Variants in ADCY7 observed in about 807,000 individuals in gnomAD.
The protein encoded by ADCY7 is adenylate cyclase type 7.
ADCY7 carries 72 observed loss-of-function variants against 120.6 expected under a neutral mutation model. The ratio of observed to expected loss-of-function variants is 0.60; its 90% confidence interval spans 0.49 to 0.73. The LOEUF (loss-of-function observed/expected upper bound fraction) is 0.73. Ranked by LOEUF, ADCY7 falls within the 30% of genes least tolerant of loss-of-function variation. The pLI, the probability that ADCY7 is intolerant of heterozygous loss-of-function variation, is 0.00. For missense variants in ADCY7, 1,227 were observed against 1,486.0 expected (o/e 0.83, Z 2.87); for synonymous variants, 661 against 628.0 (o/e 1.05, Z -0.78).
rs1224219263 is a variant in ADCY7 at position 50,288,111 on chromosome 16, G to T, written c.-69G>T. ...AGGCCCACGGGGGAGGGTGTTGGCA[G>T]ACAGATGCCCTCCAGGCCCTGGGGC... On this transcript the variant is annotated 5_prime_UTR_variant, in exon 2 of 26. Coordinates refer to ENST00000673801, the MANE Select transcript of ADCY7 (RefSeq NM_001114.5). 6.8e-7 allele frequency: 1 copy of T among 1,473,276 alleles called. No individual in the cohort carries two copies. The highest frequency in any genetic ancestry group is 2.4e-5 in the Admixed American group (1 of 42,274). 91.3% of individuals were successfully genotyped at this position (1,473,276 alleles called of 1,614,324 possible).
chr16:50,294,742 G>C lies in ADCY7; in HGVS notation c.939G>C (p.Gln313His), dbSNP rs928530955. 10 of 1,612,794 alleles carry C rather than the reference G, an allele frequency of 6.2e-6. No homozygotes were observed. Among genetic ancestry groups the C allele is most frequent in the Non-Finnish European group, 7.6e-6 (9 of 1,179,220 alleles). ...VLNELFGKFD[Q>H]IAKANECMRI... ...ATGAGCTCTTTGGCAAGTTCGACCA[G>C]ATCGCCAAGGTGAGCCCGCTGGCCT... The change falls in exon 7 of 26, where the codon CAG becomes CAC. Residue 313 changes from glutamine to histidine, a missense_variant. Transcript: ENST00000673801.
intron 1 of ADCY7, among the ~76,000 whole-genome samples, chr16:50,255,795 C>T (rs2032902941): frequency 6.6e-6 from 1 of 152,168 alleles, no homozygotes; most frequent in East Asian, 1.9e-4. Flanking sequence ...CCTGCCCAGT[C>T]CATTGATTTT....
chr16:50,305,672 A>G (rs1183473968), intron 13 of ADCY7, 86 bp downstream of exon 13: 28 of 1,504,384 alleles, frequency 1.9e-5, no homozygotes, highest in Non-Finnish European at 2.6e-5. Flanking sequence ...CTCATACCCC[A>G]TGCCTGGTGG....
chr16:50,311,645 T>C (rs1356013843), intron 19 of ADCY7, 48 bp from the exon 20 acceptor site: 12 of 1,343,074 alleles, frequency 8.9e-6, no homozygotes, highest in Non-Finnish European at 1.1e-5. Context: ...ACTCAGTGGG[T>C]TGGAGTGGTG....
chr16:50,305,986 C>T, intron 14 of ADCY7, 137 bp downstream of exon 14: 1 of 816,032 alleles, frequency 1.2e-6, no homozygotes, highest in Non-Finnish European at 2.0e-6. Flanking sequence ...ACAGCTGCTC[C>T]TGGGCGGGGG....
At chr16:50,301,693 C>T (rs143140467) in intron 10 of ADCY7, 1,844 of 164,394 alleles carry the variant, frequency 0.011, 23 homozygotes, top group Middle Eastern at 0.033. Flanking sequence ...CAGGACCCCA[C>T]GGTGGAGGAG....
At chr16:50,301,286 C>T (rs2035707016) in intron 10 of ADCY7, 72 bp downstream of exon 10, 2 of 1,502,060 alleles carry the variant, frequency 1.3e-6, no homozygotes, top group Admixed American at 2.3e-5. Context: ...GCCTGGCCCG[C>T]ACCTTGGAGG....
chr16:50,264,470 T>C (rs1304287653), upstream of ADCY7, among the ~76,000 whole-genome samples: 3 of 152,372 alleles, frequency 2.0e-5, no homozygotes, highest in African/African-American at 7.2e-5. Flanking sequence ...TCATTTCTTT[T>C]GGGTAAATAC....
intron 7 of ADCY7, among the ~76,000 whole-genome samples, chr16:50,295,681 T>G (rs888100749): frequency 6.6e-6 from 1 of 151,840 alleles, no homozygotes; most frequent in Non-Finnish European, 1.5e-5. Context: ...TGCAAGGACA[T>G]GAGGGCTGAG....
At position 50,293,385 on chromosome 16, in the gene ADCY7, A is replaced by G. The variant is rs2035126060; in HGVS notation, c.719A>G (p.His240Arg). 1 of 1,613,682 alleles carries G rather than the reference A, an allele frequency of 6.2e-7. No individual in the cohort carries two copies. Among genetic ancestry groups the G allele is most frequent in the African/African-American group, 1.3e-5 (1 of 74,920 alleles). The change falls in exon 6 of 26, where the codon CAC becomes CGC. Residue 240 changes from histidine to arginine, a missense_variant. Physicochemically the swap from His to Arg is conservative, Grantham distance 29 (BLOSUM62 0). This residue lies in a region of ADCY7 where 382 missense variants were observed against 411.4 expected (regional missense o/e 0.93). Transcript: ENST00000673801. ...CTGCTGCTGTCAGTGCTTCCGGCCCACATCTCCATGGGCATGAAGCTGGCC... is the reference window on the plus strand; with the variant it reads ...CTGCTGCTGTCAGTGCTTCCGGCCCGCATCTCCATGGGCATGAAGCTGGCC... Reference protein sequence around the residue: ...ENLLLSVLPAHISMGMKLAII... With the variant: ...ENLLLSVLPARISMGMKLAII...
rs576578637 is a variant in ADCY7 at position 50,311,921 on chromosome 16, C to T, written c.2449-115C>T. The T allele has an allele frequency of 1.0e-4, 151 of 1,499,744 alleles. No individual in the cohort carries two copies. The African/African-American group carries it at 1.8e-3, about 18-fold the overall frequency. 92.9% of individuals were successfully genotyped at this position (1,499,744 alleles called of 1,614,324 possible). A position where few individuals can be genotyped will look rare whatever the true frequency, so the allele number is the denominator to read the frequency against. On this transcript the variant is annotated intron_variant, in intron 20 of 25. Transcript: ENST00000673801. ...AGAGTCCTGCCAGGAAAGCACTGGT[C>T]CCCTGGCCAGAGGCTCCAAGGACGC...
At chr16:50,253,589 C>A (rs763299357) in intron 1 of ADCY7, among the ~76,000 whole-genome samples, 1 of 152,220 alleles carries the variant, frequency 6.6e-6, no homozygotes, top group Non-Finnish European at 1.5e-5. Flanking sequence ...GTGGTGCCCT[C>A]AGGCTGGACC....
intron 8 of ADCY7, 37 bp downstream of exon 8, chr16:50,299,068 C>A: frequency 3.8e-6 from 6 of 1,571,270 alleles, no homozygotes; most frequent in Non-Finnish European, 5.2e-6. Flanking sequence ...GGGTCCTGCC[C>A]TGTGGCGGAC....
chr16:50,308,355 C>G lies in ADCY7; in HGVS notation c.1879C>G (p.Leu627Val). The part of the protein sequence containing the change: ...RTAALGVSFG[L>V]VACVLGLVLG... Reference sequence around the variant, plus strand: ...GGCGGCACTGGGTGTGTCCTTCGGGCTGGTGGCCTGTGTACTGGGGCTGGT... The same window carrying G: ...GGCGGCACTGGGTGTGTCCTTCGGGGTGGTGGCCTGTGTACTGGGGCTGGT... Residue 627 changes from leucine to valine, a missense_variant, in exon 16 of 26, where the codon CTG (leucine) becomes GTG (valine). Leu to Val is a conservative substitution (Grantham distance 32). Around this residue, in one of 5 missense-constraint regions of ADCY7, gnomAD observed 267 missense variants for 270.0 expected, o/e 0.99. Coordinates refer to ENST00000673801, the MANE Select transcript of ADCY7 (RefSeq NM_001114.5). 1 of 1,614,174 alleles carries G rather than the reference C, an allele frequency of 6.2e-7. No individual in the cohort carries two copies. The highest frequency in any genetic ancestry group is 8.5e-7 in the Non-Finnish European group (1 of 1,180,034).
rs1224446322 is a variant in ADCY7 at position 50,288,006 on chromosome 16, C to A, written c.-174C>A. On this transcript the variant is annotated 5_prime_UTR_variant, in exon 2 of 26. Transcript: ENST00000673801. The stretch of plus-strand genomic sequence containing the variant: ...AGGCCTGGTGCCAGAGCTGTGCGGA[C>A]CCCTTGTTGGCCATGGAGCAGCAGG... 1.8e-5 allele frequency: 12 copies of A among 669,808 alleles called. No individual in the cohort carries two copies. The highest frequency in any genetic ancestry group is 2.9e-5 in the Non-Finnish European group (12 of 414,942). The allele number at this position is 669,808 out of a possible 1,614,324, so 41.5% of individuals were successfully genotyped here.
intron 14 of ADCY7, 57 bp from the exon 15 acceptor site, chr16:50,306,993 C>T (rs2036109897): frequency 1.5e-6 from 2 of 1,363,524 alleles, no homozygotes; most frequent in Non-Finnish European, 2.1e-6. Flanking sequence ...TCACTGGAGG[C>T]AGGGTGGGCA....
intron 1 of ADCY7, among the ~76,000 whole-genome samples, chr16:50,284,844 G>A (rs916446180): frequency 5.3e-5 from 8 of 152,364 alleles, no homozygotes; most frequent in East Asian, 1.9e-4. Context: ...TCTGTGAGAC[G>A]GTGGTGCCAC....
intron 16 of ADCY7, 49 bp from the exon 17 acceptor site, chr16:50,308,618 C>T (rs1163873645): frequency 1.9e-6 from 3 of 1,582,766 alleles, no homozygotes; most frequent in East Asian, 4.5e-5. Context: ...GACCAGCCCT[C>T]CTTGCCCAGG....
chr16:50,315,254 C>T, intron 25 of ADCY7, 105 bp from the exon 26 acceptor site: 1 of 1,568,456 alleles, frequency 6.4e-7, no homozygotes, highest in South Asian at 1.2e-5. Context: ...AGCTATCACA[C>T]TCTCCAGGGA....
Sources: allele counts gnomAD v4.1 joint callset (sites outside exome capture counted in the v4.1 genomes callset), GRCh38; gene constraint gnomAD v4.1.1; regional missense constraint gnomAD v4.1.1; transcripts MANE v1.5; gene names NCBI Gene and HGNC (gene_info 2026-07-23, HGNC 2026-07-21).